The following GALNTL6 variants were observed in gnomAD, a reference collection of about 807,000 sequenced individuals.
The protein encoded by GALNTL6 is polypeptide N-acetylgalactosaminyltransferase like 6.
Under a neutral mutation model 73.7 loss-of-function variants are expected in GALNTL6, and 46 were observed. The ratio of observed to expected loss-of-function variants is 0.62; its 90% CI spans 0.49 to 0.80. The LOEUF (loss-of-function observed/expected upper bound fraction) is 0.80. GALNTL6 is among the 30% of genes least tolerant of loss of function. GALNTL6 has a pLI of 0.00. For synonymous variants in GALNTL6, 259 were observed against 263.7 expected (o/e 0.98, Z 0.17); for missense variants, 604 against 755.0 (o/e 0.80, Z 2.34).
intron 8 of GALNTL6, among the ~76,000 whole-genome samples, chr4:172,913,222 AT>A (rs1347776401): frequency 1.3e-5 from 2 of 152,160 alleles, no homozygotes; most frequent in Admixed American, 1.3e-4. Flanking sequence ...CCACACCAAA[AT>A]CCCATCTGTA....
intron 5 of GALNTL6, among the ~76,000 whole-genome samples, chr4:172,397,813 G>A (rs1037348442): frequency 4.6e-5 from 7 of 152,012 alleles, no homozygotes; most frequent in Admixed American, 3.3e-4. Flanking sequence ...TCTTGACCTT[G>A]TGATCCTCCC....
In GALNTL6 at chr4:172,380,256, G is replaced by C. The variant is rs1743230551; in HGVS notation, c.553+31567G>C. The C allele has an allele frequency of 3.4e-6, 3 of 872,730 alleles. No homozygotes were observed. In the South Asian group the frequency reaches 3.9e-5, roughly 11 times the overall value. 54.1% of individuals were successfully genotyped at this position (872,730 alleles called of 1,614,324 possible). On this transcript the variant is annotated intron_variant, in intron 5 of 12. Transcript: ENST00000506823. ...ATTCTCCCCAACTTGTCTACATTAGGATGACAAATTTTGGTCATAAAACGC... is the reference window on the plus strand; with the variant it reads ...ATTCTCCCCAACTTGTCTACATTAGCATGACAAATTTTGGTCATAAAACGC...
intron 5 of GALNTL6, among the ~76,000 whole-genome samples, chr4:172,804,649 A>G (rs1740848562): frequency 6.6e-6 from 1 of 152,174 alleles, no homozygotes; most frequent in Admixed American, 6.5e-5. Context: ...GCTCTCTAAT[A>G]CTGATGGTCA....
chr4:172,702,487 A>C (rs1368954243), intron 5 of GALNTL6, among the ~76,000 whole-genome samples: 1 of 151,994 alleles, frequency 6.6e-6, no homozygotes, highest in Non-Finnish European at 1.5e-5. Context: ...TCTGAATGTC[A>C]GTTCCCCCCA....
intron 2 of GALNTL6, among the ~76,000 whole-genome samples, chr4:172,049,778 G>T (rs1730781471): frequency 6.6e-6 from 1 of 152,156 alleles, no homozygotes; most frequent in African/African-American, 2.4e-5. Flanking sequence ...GAGGTCAGGA[G>T]TTTGAGACCA....
chr4:171,988,203 AG>A (rs1391856669), intron 2 of GALNTL6, among the ~76,000 whole-genome samples: 1 of 152,178 alleles, frequency 6.6e-6, no homozygotes, highest in African/African-American at 2.4e-5. Flanking sequence ...CTCTTGTGTA[AG>A]AATTCTGACC....
At chr4:172,177,821 A>ATATATACACATGTGTATC (rs1560955668) in intron 2 of GALNTL6, among the ~76,000 whole-genome samples, 1 of 137,126 alleles carries the variant, frequency 7.3e-6, no homozygotes, top group South Asian at 2.2e-4. Context: ...ATGTGTGTGT[A>ATATATACACATGTGTATC]TATATACACA....
chr4:172,938,380 G>A (rs1748735967), intron 9 of GALNTL6, among the ~76,000 whole-genome samples: 1 of 152,112 alleles, frequency 6.6e-6, no homozygotes, highest in Admixed American at 6.6e-5. Context: ...TGTTGACCAT[G>A]GTGTCAGCTT....
At chr4:171,882,505 C>A (rs1736476444) in intron 2 of GALNTL6, among the ~76,000 whole-genome samples, 1 of 152,210 alleles carries the variant, frequency 6.6e-6, no homozygotes, top group Admixed American at 6.5e-5. Flanking sequence ...AGTGATGGAT[C>A]AGTATGAATC....
intron 2 of GALNTL6, among the ~76,000 whole-genome samples, chr4:171,841,203 G>A (rs1459231366): frequency 6.6e-6 from 1 of 152,000 alleles, no homozygotes; most frequent in Non-Finnish European, 1.5e-5. Flanking sequence ...TGTAATAAAG[G>A]TTAAAAATAA....
chr4:172,892,605 CTTTTTT>C (rs57815105), intron 8 of GALNTL6, among the ~76,000 whole-genome samples: 2 of 137,836 alleles, frequency 1.5e-5, no homozygotes. Flanking sequence ...ATTTTTAATT[CTTTTTT>C]TTTTTTTTTT....
At position 172,229,651 on chromosome 4, in the gene GALNTL6, C is replaced by T. The variant is rs1198228083; in HGVS notation, c.139-5C>T. The T allele has an allele frequency of 1.9e-6, 3 of 1,597,484 alleles. No homozygotes were observed. Among genetic ancestry groups the T allele is most frequent in the Non-Finnish European group, 2.6e-6 (3 of 1,165,394 alleles). On this transcript the variant is annotated splice_polypyrimidine_tract_variant and splice_region_variant and intron_variant, in intron 2 of 12. Transcript: ENST00000506823. Reference sequence around the variant, plus strand: ...TTTATGCTTGAATACTTTCCTTTTCCACAGACATTTCCACTGGGCCTGGGA... The same window carrying T: ...TTTATGCTTGAATACTTTCCTTTTCTACAGACATTTCCACTGGGCCTGGGA...
At chr4:171,946,489 G>A (rs1738705470) in intron 2 of GALNTL6, among the ~76,000 whole-genome samples, 1 of 152,156 alleles carries the variant, frequency 6.6e-6, no homozygotes, top group South Asian at 2.1e-4. Context: ...ACCCCTTGGT[G>A]GATGTTATTC....
chr4:172,083,062 A>C (rs1449823741), intron 2 of GALNTL6, among the ~76,000 whole-genome samples: 2 of 152,122 alleles, frequency 1.3e-5, no homozygotes, highest in Non-Finnish European at 2.9e-5. Context: ...CAGGACAAAA[A>C]CTTTAGTGTT....
chr4:172,707,625 G>T (rs181447378), intron 5 of GALNTL6, among the ~76,000 whole-genome samples: 2 of 152,084 alleles, frequency 1.3e-5, no homozygotes, highest in South Asian at 2.1e-4. Context: ...TGTTAAAATC[G>T]TAAGGAAGAC....
At chr4:172,672,448 A>T (rs145006656) in intron 5 of GALNTL6, among the ~76,000 whole-genome samples, 1 of 152,370 alleles carries the variant, frequency 6.6e-6, no homozygotes, top group African/African-American at 2.4e-5. Context: ...ATTGATGTTC[A>T]TCAAAAATAT....
intron 2 of GALNTL6, among the ~76,000 whole-genome samples, chr4:171,851,303 G>T (rs1450692165): frequency 5.3e-5 from 8 of 151,994 alleles, no homozygotes; most frequent in Admixed American, 5.2e-4. Context: ...TTTCTCTTTT[G>T]GTAGAATCAG....
intron 5 of GALNTL6, among the ~76,000 whole-genome samples, chr4:172,731,362 A>G (rs1164233412): frequency 6.6e-6 from 1 of 152,096 alleles, no homozygotes; most frequent in East Asian, 1.9e-4. Context: ...GATAATCTGT[A>G]ATGATTCTTT....
At chr4:172,634,432 T>C (rs1330719901) in intron 5 of GALNTL6, among the ~76,000 whole-genome samples, 1 of 152,142 alleles carries the variant, frequency 6.6e-6, no homozygotes, top group East Asian at 1.9e-4. Flanking sequence ...CCCGTGGCAA[T>C]AGTTGGCTGG....
Sources: allele counts gnomAD v4.1 joint callset (sites outside exome capture counted in the v4.1 genomes callset), GRCh38; gene constraint gnomAD v4.1.1; transcripts MANE v1.5; gene names NCBI Gene and HGNC (gene_info 2026-07-23, HGNC 2026-07-21).